ANKRD50: variants seen among roughly 807,000 people sequenced by gnomAD.
The protein encoded by ANKRD50 is ankyrin repeat domain 50, also known as ankyrin repeat domain-containing protein 50.
A neutral mutation model predicts 112.0 loss-of-function variants in ANKRD50; 40 were observed. The ratio of observed to expected loss-of-function variants is 0.36; its 90% CI spans 0.28 to 0.46. The LOEUF is 0.46. Among genes scored for constraint, ANKRD50 ranks in the 20% least tolerant of loss-of-function variants. The pLI, the probability that ANKRD50 is intolerant of heterozygous loss-of-function variation, is 1.00. For missense variants in ANKRD50, 1,487 were observed against 1,701.7 expected, an observed-to-expected ratio of 0.87 and a Z score of 2.22; for synonymous variants, 613 against 619.1, an observed-to-expected ratio of 0.99 and a Z score of 0.15.
chr4:124,675,797 C>A (rs909383041), intron 3 of ANKRD50, among the ~76,000 whole-genome samples: 2 of 151,866 alleles, frequency 1.3e-5, no homozygotes, highest in East Asian at 3.9e-4. Flanking sequence ...AGTCCCATAA[C>A]AAGGCCTAAC....
At chr4:124,683,884 T>A (rs948278577) in intron 2 of ANKRD50, among the ~76,000 whole-genome samples, 1 of 148,648 alleles carries the variant, frequency 6.7e-6, no homozygotes. Flanking sequence ...TTTTTACTTT[T>A]ATATAGATAA....
At chr4:124,686,434 C>G (rs1017023645) in intron 2 of ANKRD50, among the ~76,000 whole-genome samples, 3 of 152,128 alleles carry the variant, frequency 2.0e-5, no homozygotes, top group Non-Finnish European at 4.4e-5. Context: ...CTACTGACCC[C>G]TTAGGGGTTT....
intron 2 of ANKRD50, among the ~76,000 whole-genome samples, chr4:124,682,410 C>T (rs1724912542): frequency 6.7e-6 from 1 of 149,204 alleles, no homozygotes; most frequent in African/African-American, 2.5e-5. Context: ...TAGGTTGATT[C>T]GGTAACAGTA....
At chr4:124,692,662 C>T (rs1024422838) in intron 2 of ANKRD50, among the ~76,000 whole-genome samples, 8 of 152,072 alleles carry the variant, frequency 5.3e-5, no homozygotes, top group African/African-American at 1.9e-4. Flanking sequence ...AGAGAGCTAG[C>T]TCATCCCTTT....
intron 3 of ANKRD50, among the ~76,000 whole-genome samples, chr4:124,673,963 T>TTG (rs987598961): frequency 3.1e-4 from 47 of 152,138 alleles, no homozygotes; most frequent in African/African-American, 9.9e-4. Flanking sequence ...AAGATAAATT[T>TTG]CAATTGTGAA....
chr4:124,680,832 G>C (rs1372569185), intron 2 of ANKRD50, among the ~76,000 whole-genome samples: 2 of 152,000 alleles, frequency 1.3e-5, no homozygotes, highest in Non-Finnish European at 2.9e-5. Context: ...AGAAATAGCT[G>C]GGGGTAGGGG....
chr4:124,691,988 G>T (rs1488524610), intron 2 of ANKRD50, among the ~76,000 whole-genome samples: 1 of 152,186 alleles, frequency 6.6e-6, no homozygotes, highest in Admixed American at 6.5e-5. Flanking sequence ...CTGACGTCAT[G>T]GGACAAGCCG....
chr4:124,704,599 C>T (rs1725463390), intron 2 of ANKRD50, among the ~76,000 whole-genome samples: 1 of 152,162 alleles, frequency 6.6e-6, no homozygotes, highest in Non-Finnish European at 1.5e-5. Context: ...GAGCTTCAGC[C>T]TTCTTTCAAT....
intron 2 of ANKRD50, among the ~76,000 whole-genome samples, chr4:124,691,211 G>A (rs1208389952): frequency 1.3e-5 from 2 of 152,192 alleles, no homozygotes; most frequent in Admixed American, 6.5e-5. Context: ...AAGGAGAACA[G>A]GCCGGGCGTG....
At chr4:124,711,909 G>C (rs1482245184) in intron 1 of ANKRD50, among the ~76,000 whole-genome samples, 1 of 152,202 alleles carries the variant, frequency 6.6e-6, no homozygotes, top group African/African-American at 2.4e-5. Context: ...AAGGCTGCTA[G>C]AGAGAAATTC....
chr4:124,707,020 T>A (rs902737429), intron 2 of ANKRD50, among the ~76,000 whole-genome samples: 2 of 152,056 alleles, frequency 1.3e-5, no homozygotes, highest in African/African-American at 4.8e-5. Flanking sequence ...GTTGAACTAT[T>A]ATAAATTGGG....
intron 2 of ANKRD50, among the ~76,000 whole-genome samples, chr4:124,683,455 ATTC>A (rs554821397): frequency 1.7e-3 from 254 of 152,044 alleles, no homozygotes; most frequent in Middle Eastern, 0.014. Flanking sequence ...GAATATTACA[ATTC>A]TTCTTTTCTA....
Position 124,672,220 on chromosome 4 carries a change from T to C in ANKRD50, c.1057A>G (p.Ile353Val). 6.2e-7 allele frequency: 1 copy of C among 1,613,822 alleles called. No individual in the cohort carries two copies. Among genetic ancestry groups the C allele is most frequent in the African/African-American group, 1.3e-5 (1 of 75,006 alleles). Residue 353 changes from isoleucine (I) to valine (V), a missense_variant, in exon 4 of 5, where the codon ATT (isoleucine) becomes GTT (valine). Around this residue, in one of 2 missense-constraint regions of ANKRD50, gnomAD observed 1,046 missense variants for 1,269.5 expected, o/e 0.82. Transcript: ENST00000504087. ...VRKQFAKVQPILNVILAACRP... is the reference protein window; with the variant it reads ...VRKQFAKVQPVLNVILAACRP... ...CAGGCTGCAAGAATCACATTCAAAA[T>C]AGGCTGAACCTTTGCAAATTGTTTT...
rs1730650935 is a variant in ANKRD50 at position 124,671,466 on chromosome 4, A to G, written c.1811T>C (p.Ile604Thr). The G allele has an allele frequency of 6.2e-7, 1 of 1,613,690 alleles. No homozygotes were observed. The highest frequency in any genetic ancestry group is 1.7e-5 in the Admixed American group (1 of 59,936). Residue 604 changes from isoleucine to threonine, a missense_variant, in exon 4 of 5, where the codon ATT becomes ACT. Physicochemically the swap from Ile to Thr is moderately conservative, Grantham distance 89. Transcript: ENST00000504087. ...VNCLIGCGANINHTDQDGWTA... is the reference protein window; with the variant it reads ...VNCLIGCGANTNHTDQDGWTA... ...CCAACCATCTTGATCAGTATGATTA[A>G]TATTTGCTCCACACCCAATCAAACA...
In ANKRD50 at chr4:124,672,399, T is replaced by C. The variant is rs1404957408; in HGVS notation, c.878A>G (p.Asn293Ser). The change falls in exon 4 of 5, where the codon AAT (asparagine) becomes AGT (serine). Residue 293 changes from asparagine (N) to serine (S), a missense_variant. By Grantham distance (46) the Asn-to-Ser change is conservative. Transcript: ENST00000504087. ...TCCACTGCTTTTAATGTGCAGTTGA[T>C]TTAACATCTCTGCAGTTTCTTTTGT... is the stretch of plus-strand genomic sequence containing the variant. ...HLTKETAEMLNQLHIKSSGCF... is the reference protein window; with the variant it reads ...HLTKETAEMLSQLHIKSSGCF... 2 of 1,613,368 alleles carry C rather than the reference T, an allele frequency of 1.2e-6. No individual in the cohort carries two copies. Among genetic ancestry groups the C allele is most frequent in the Non-Finnish European group, 8.5e-7 (1 of 1,179,754 alleles).
At chr4:124,683,539 C>G (rs1483965059) in intron 2 of ANKRD50, among the ~76,000 whole-genome samples, 1 of 148,730 alleles carries the variant, frequency 6.7e-6, no homozygotes, top group African/African-American at 2.5e-5. Flanking sequence ...ATTTATGTAC[C>G]CCTTCATGCT....
At chr4:124,677,785 G>C (rs1490251725) in intron 3 of ANKRD50, among the ~76,000 whole-genome samples, 1 of 151,864 alleles carries the variant, frequency 6.6e-6, no homozygotes, top group Admixed American at 6.6e-5. Context: ...AATATGAGCT[G>C]AAAGCATATA....
intron 2 of ANKRD50, among the ~76,000 whole-genome samples, chr4:124,680,104 T>C (rs186345204): frequency 6.6e-6 from 1 of 152,394 alleles, no homozygotes; most frequent in African/African-American, 2.4e-5. Flanking sequence ...CCCTATTACA[T>C]GCTTCCATAA....
chr4:124,674,069 T>G (rs1730718492), intron 3 of ANKRD50, among the ~76,000 whole-genome samples: 1 of 152,040 alleles, frequency 6.6e-6, no homozygotes, highest in Non-Finnish European at 1.5e-5. Context: ...CCTCCAAATC[T>G]TTTTCTGTGT....
Sources: allele counts gnomAD v4.1 joint callset (sites outside exome capture counted in the v4.1 genomes callset), GRCh38; gene constraint gnomAD v4.1.1; regional missense constraint gnomAD v4.1.1; transcripts MANE v1.5; gene names NCBI Gene and HGNC (gene_info 2026-07-23, HGNC 2026-07-21).